The following KIRREL3 variants were observed in gnomAD, a reference collection of about 807,000 sequenced individuals.
KIRREL3 encodes the protein kin of IRRE-like protein 3.
A neutral mutation model predicts 89.7 loss-of-function variants in KIRREL3; 36 were observed. That is an observed-to-expected ratio of 0.40 (90% CI 0.31 to 0.53). The LOEUF is 0.53. KIRREL3 is among the 20% of genes least tolerant of loss of function. The pLI is 0.49. For missense variants in KIRREL3, 864 were observed against 1,056.6 expected (o/e 0.82, Z 2.53); for synonymous variants, 445 against 441.4 (o/e 1.01, Z -0.10).
rs567717298 is a variant in KIRREL3 at position 126,830,595 on chromosome 11, G to A, written c.55+169860C>T. Among the ~76,000 whole-genome samples the A allele has an allele frequency of 5.7e-4, 87 of 152,272 alleles. No individual in the cohort carries two copies. The highest frequency in any genetic ancestry group is 1.9e-3 in the African/African-American group (81 of 41,544). On this transcript the variant is annotated intron_variant, in intron 1 of 16. Transcript: ENST00000525144. This position sits in a 1 kb window ranked among gnomAD's most constrained non-coding sequence, Gnocchi z 4.9. ...GGTGACAGTCATCTCTTAGTGTTTC[G>A]ATTTTAGAGCGGCTGTTAAGAGCCA...
At position 126,993,795 on chromosome 11, in the gene KIRREL3, G is replaced by T. The variant is rs951136031; in HGVS notation, c.55+6660C>A. Among the ~76,000 whole-genome samples, 3 of 152,210 alleles carry T rather than the reference G, an allele frequency of 2.0e-5. No individual in the cohort carries two copies. The highest frequency in any genetic ancestry group is 1.9e-4 in the East Asian group (1 of 5,198). ...CCACTGAGACACTAGACTATGTGGA[G>T]CCCCTGGGGGAAAATGTGGAATAGT... On this transcript the variant is annotated intron_variant, in intron 1 of 16. Transcript: ENST00000525144. This position sits in a 1 kb window ranked among gnomAD's most constrained non-coding sequence, Gnocchi z 6.1.
chr11:126,593,649 A>G (rs999877734), intron 1 of KIRREL3, among the ~76,000 whole-genome samples: 8 of 152,216 alleles, frequency 5.3e-5, no homozygotes, highest in Non-Finnish European at 1.2e-4. Context: ...GGGGTCATCC[A>G]TGGGGTCTGG....
intron 1 of KIRREL3, among the ~76,000 whole-genome samples, chr11:126,757,061 T>G (rs1949527187): frequency 6.6e-6 from 1 of 152,178 alleles, no homozygotes; most frequent in South Asian, 2.1e-4. Flanking sequence ...CAGAAGCCCA[T>G]GCATTTCTGA....
At chr11:126,451,138 T>C (rs111218559) in intron 7 of KIRREL3, among the ~76,000 whole-genome samples, 8,498 of 151,154 alleles carry the variant, frequency 0.056, 458 homozygotes, top group Admixed American at 0.18. Context: ...TGTGCATGTG[T>C]GTGCATGTGT....
At chr11:126,613,382 A>G (rs1943211808) in intron 1 of KIRREL3, among the ~76,000 whole-genome samples, 1 of 152,166 alleles carries the variant, frequency 6.6e-6, no homozygotes, top group Non-Finnish European at 1.5e-5. Context: ...AATTTGGCTA[A>G]TGAGTTCTAA....
At chr11:126,809,123 T>C (rs1179415112) in intron 1 of KIRREL3, among the ~76,000 whole-genome samples, 1 of 151,836 alleles carries the variant, frequency 6.6e-6, no homozygotes, top group African/African-American at 2.4e-5. Flanking sequence ...AATAACAGAG[T>C]CTCACAACAT....
chr11:126,964,084 G>A (rs1429635643), intron 1 of KIRREL3, among the ~76,000 whole-genome samples: 2 of 152,170 alleles, frequency 1.3e-5, no homozygotes, highest in Non-Finnish European at 2.9e-5. Context: ...CAATTAGTGG[G>A]CAACTACAAG....
rs1945156068 is a variant in KIRREL3, at chr11:126,656,742, C to T, written c.56-93830G>A. 6.6e-6 allele frequency among the ~76,000 whole-genome samples: 1 copy of T among 152,180 alleles called. No individual in the cohort carries two copies. Among genetic ancestry groups the T allele is most frequent in the Non-Finnish European group, 1.5e-5 (1 of 68,030 alleles). ...AAGCTTTGACATCATGTACTCATAA[C>T]CTATCTCTTATGAAAATAAATGAAA... On this transcript the variant is annotated intron_variant, in intron 1 of 16. Coordinates refer to ENST00000525144, the MANE Select transcript of KIRREL3 (RefSeq NM_032531.4). This position sits in a 1 kb window ranked among gnomAD's most constrained non-coding sequence, Gnocchi z 4.0.
intron 1 of KIRREL3, among the ~76,000 whole-genome samples, chr11:126,847,690 T>C (rs764156645): frequency 1.3e-5 from 2 of 152,166 alleles, no homozygotes; most frequent in South Asian, 2.1e-4. Context: ...TTTAAAACAT[T>C]GCTAATCCTT....
At chr11:126,502,054 C>T (rs10128554) in intron 4 of KIRREL3, among the ~76,000 whole-genome samples, 37,430 of 151,970 alleles carry the variant, frequency 0.25, 5,746 homozygotes, top group African/African-American at 0.43. Context: ...AATATAAAAC[C>T]CCCCAGAATC....
In KIRREL3 at chr11:126,541,953, C is replaced by T. The variant is rs561529403; in HGVS notation, c.134-15266G>A. Reference sequence around the variant, plus strand: ...TCACAGGGAATCCCAGTGTATAAAACGGTGGAGGCAGAGCTGAGGCAGCGC... The same window carrying T: ...TCACAGGGAATCCCAGTGTATAAAATGGTGGAGGCAGAGCTGAGGCAGCGC... On this transcript the variant is annotated intron_variant, in intron 2 of 16. Transcript: ENST00000525144. The surrounding 1 kb of genome is among the most constrained non-coding windows in gnomAD (Gnocchi z 4.8). Among the ~76,000 whole-genome samples the T allele has an allele frequency of 1.0e-3, 152 of 152,332 alleles. No individual in the cohort carries two copies. The highest frequency in any genetic ancestry group is 3.4e-3 in the African/African-American group (142 of 41,582).
chr11:126,517,885 T>C (rs1958468220), intron 4 of KIRREL3, among the ~76,000 whole-genome samples: 1 of 152,196 alleles, frequency 6.6e-6, no homozygotes, highest in Non-Finnish European at 1.5e-5. Context: ...GACCACTGCC[T>C]CTAAGTCTAA....
intron 1 of KIRREL3, among the ~76,000 whole-genome samples, chr11:126,821,317 C>T (rs1421858938): frequency 4.2e-5 from 4 of 95,414 alleles, no homozygotes; most frequent in East Asian, 3.1e-4. Flanking sequence ...CATGGGTCAA[C>T]GGATAAACAC....
chr11:126,687,675 G>T lies in KIRREL3; in HGVS notation c.56-124763C>A, dbSNP rs1946716784. ...TTGCTTCATTCAACAAATTTACATT[G>T]CACTCTCCTACATGCCAGGCATTGT... On this transcript the variant is annotated intron_variant, in intron 1 of 16. Coordinates refer to ENST00000525144, the MANE Select transcript of KIRREL3 (RefSeq NM_032531.4). This position sits in a 1 kb window ranked among gnomAD's most constrained non-coding sequence, Gnocchi z 4.6. 6.6e-6 allele frequency among the ~76,000 whole-genome samples: 1 copy of T among 152,160 alleles called. No homozygotes were observed. The highest frequency in any genetic ancestry group is 2.4e-5 in the African/African-American group (1 of 41,424).
Position 126,526,723 on chromosome 11 carries a change from C to A in KIRREL3, c.134-36G>T. 3.2e-6 allele frequency: 5 copies of A among 1,542,202 alleles called. No homozygotes were observed. Among genetic ancestry groups the A allele is most frequent in the Non-Finnish European group, 4.4e-6 (5 of 1,139,158 alleles). On this transcript the variant is annotated intron_variant, in intron 2 of 16. Transcript: ENST00000525144. The surrounding 1 kb of genome is among the most constrained non-coding windows in gnomAD (Gnocchi z 5.7). ...GACAAACACAATGGTCAGTTATCTGCCGGCTACAGGGGCGAGAAGGCTCCC... is the reference window on the plus strand; with the variant it reads ...GACAAACACAATGGTCAGTTATCTGACGGCTACAGGGGCGAGAAGGCTCCC...
intron 1 of KIRREL3, among the ~76,000 whole-genome samples, chr11:126,722,748 G>A (rs906464126): frequency 2.6e-5 from 4 of 152,222 alleles, no homozygotes; most frequent in African/African-American, 9.6e-5. Flanking sequence ...TGTAAGCTCC[G>A]TGTGGACAAG....
chr11:126,586,656 A>G (rs1941875084), intron 1 of KIRREL3, among the ~76,000 whole-genome samples: 1 of 152,110 alleles, frequency 6.6e-6, no homozygotes, highest in Admixed American at 6.5e-5. Context: ...TTCAGATTCA[A>G]TGTTTACAAC....
In KIRREL3 at chr11:126,923,207, CTTCTTCTTCTTCTTCTTCT is replaced by C; in HGVS notation, c.55+77229_55+77247del. Among the ~76,000 whole-genome samples the C allele has an allele frequency of 1.5e-4, 2 of 13,446 alleles. 1 individual carries two copies. The highest frequency in any genetic ancestry group is 7.7e-3 in the South Asian group (2 of 260). 8.8% of individuals were successfully genotyped at this position (13,446 alleles called of 152,430 possible). ...TTCTTCTCTTCTTCTTCTTCTTCTTCTTCTTCTTCTTCTTCTTCTTCTTCTTCTTCTTCTTCTTCTTCTT... is the reference window on the plus strand; with the variant it reads ...TTCTTCTCTTCTTCTTCTTCTTCTTCTCTTCTTCTTCTTCTTCTTCTTCTT... On this transcript the variant is annotated intron_variant, in intron 1 of 16. Coordinates refer to ENST00000525144, the MANE Select transcript of KIRREL3 (RefSeq NM_032531.4).
intron 1 of KIRREL3, among the ~76,000 whole-genome samples, chr11:126,957,467 C>G (rs1948956661): frequency 6.6e-6 from 1 of 152,150 alleles, no homozygotes; most frequent in Non-Finnish European, 1.5e-5. Flanking sequence ...TTGCAAAAGG[C>G]TTGTCAAAGG....
Sources: gnomAD v4.1 joint callset for allele counts (sites outside exome capture counted in the v4.1 genomes callset) on GRCh38, gnomAD v4.1.1 for gene constraint, Gnocchi (gnomAD v3.1) non-coding constraint, MANE v1.5 for transcripts, NCBI Gene and HGNC (gene_info 2026-07-23, HGNC 2026-07-21) for gene names.